CCDC146: variants seen among roughly 807,000 people sequenced by gnomAD.
CCDC146 encodes coiled-coil domain containing 146.
CCDC146 carries 92 observed loss-of-function variants against 119.3 expected under a neutral mutation model. The observed-to-expected ratio is 0.77, with a 90% CI of 0.65 to 0.92. The LOEUF (loss-of-function observed/expected upper bound fraction) is 0.92. Ranked by LOEUF, CCDC146 falls within the 40% of genes least tolerant of loss-of-function variation. The pLI, the probability that CCDC146 is intolerant of heterozygous loss-of-function variation, is 0.00. For missense variants in CCDC146, 1,000 were observed against 1,103.0 expected (o/e 0.91, Z 1.32); for synonymous variants, 372 against 371.8 (o/e 1.00, Z -0.01).
intron 17 of CCDC146, among the ~76,000 whole-genome samples, chr7:77,290,897 A>G (rs1395748234): frequency 1.3e-5 from 2 of 152,238 alleles, no homozygotes; most frequent in Non-Finnish European, 2.9e-5. Flanking sequence ...AGAGGAAGGT[A>G]TTCAGCATTA....
At chr7:77,215,186 T>C (rs1360871698) in intron 2 of CCDC146, among the ~76,000 whole-genome samples, 1 of 125,144 alleles carries the variant, frequency 8.0e-6, no homozygotes, top group South Asian at 2.4e-4. Flanking sequence ...TTTATTTTTT[T>C]GGTGTTTTTT....
rs1456742092 is a variant in CCDC146 at position 77,254,473 on chromosome 7, T to C, written c.450-33T>C. The C allele has an allele frequency of 2.5e-6, 3 of 1,200,396 alleles. No individual in the cohort carries two copies. In the African/African-American group the frequency reaches 4.7e-5, roughly 19 times the overall value. The allele number at this position is 1,200,396 out of a possible 1,614,324, so 74.4% of individuals were successfully genotyped here. A position where few individuals can be genotyped will look rare whatever the true frequency, so the allele number is the denominator to read the frequency against. ...ATTACAGAAAGAGCTTATTTCTTTG[T>C]ACTTTTTCAAACTTGATTTTTTTTT... On this transcript the variant is annotated intron_variant, in intron 4 of 18. Transcript: ENST00000285871.
At chr7:77,272,542 G>A (rs890044917) in intron 9 of CCDC146, among the ~76,000 whole-genome samples, 4 of 152,186 alleles carry the variant, frequency 2.6e-5, no homozygotes, top group Non-Finnish European at 5.9e-5. Context: ...GGGCCTACAA[G>A]TGTGTGCTGT....
intron 4 of CCDC146, among the ~76,000 whole-genome samples, chr7:77,244,942 A>T (rs1792920578): frequency 6.6e-6 from 1 of 152,234 alleles, no homozygotes; most frequent in Admixed American, 6.5e-5. Context: ...TTTCTAGATA[A>T]TAGAAGCCCA....
At chr7:77,177,982 A>C (rs190003353) in intron 2 of CCDC146, among the ~76,000 whole-genome samples, 1 of 152,052 alleles carries the variant, frequency 6.6e-6, no homozygotes, top group African/African-American at 2.4e-5. Context: ...CCAGTATGGA[A>C]GAAGACCTTG....
intron 9 of CCDC146, among the ~76,000 whole-genome samples, chr7:77,267,312 G>A (rs186220227): frequency 5.1e-4 from 78 of 152,218 alleles, no homozygotes; most frequent in African/African-American, 1.7e-3. Context: ...AAAGGATTCT[G>A]AGGCCCAGTG....
chr7:77,146,887 C>G lies in CCDC146; in HGVS notation c.-11-20771C>G, dbSNP rs561870578. 6.6e-5 allele frequency among the ~76,000 whole-genome samples: 10 copies of G among 152,230 alleles called. No homozygotes were observed. In the South Asian group the frequency reaches 2.1e-3, roughly 32 times the overall value. The stretch of plus-strand genomic sequence containing the variant: ...TTTGGTGAATCTGACAATTATGTAT[C>G]TTGGAGTTGCTCCTCTCGAGGAGTA... On this transcript the variant is annotated intron_variant, in intron 1 of 18. Coordinates refer to ENST00000285871, the MANE Select transcript of CCDC146 (RefSeq NM_020879.3).
At chr7:77,225,364 C>T (rs778138462) in intron 2 of CCDC146, among the ~76,000 whole-genome samples, 1 of 151,770 alleles carries the variant, frequency 6.6e-6, no homozygotes, top group Non-Finnish European at 1.5e-5. Context: ...GCCTGGGCAA[C>T]GTAGTGAGAT....
chr7:77,144,172 G>A, intron 1 of CCDC146, among the ~76,000 whole-genome samples: 1 of 151,576 alleles, frequency 6.6e-6, no homozygotes, highest in East Asian at 1.9e-4. Context: ...TATTCTCTTT[G>A]AAGCAATTGT....
At chr7:77,191,582 C>T (rs1437672363) in intron 2 of CCDC146, among the ~76,000 whole-genome samples, 1 of 152,166 alleles carries the variant, frequency 6.6e-6, no homozygotes, top group African/African-American at 2.4e-5. Context: ...CAGGACCCCA[C>T]CTACTGTCAT....
At chr7:77,147,469 G>T (rs1791038928) in intron 1 of CCDC146, among the ~76,000 whole-genome samples, 1 of 152,204 alleles carries the variant, frequency 6.6e-6, no homozygotes, top group African/African-American at 2.4e-5. Context: ...GTGTTCCTTT[G>T]GAGGGGGAGA....
At chr7:77,199,647 G>C (rs551393953) in intron 2 of CCDC146, 2 of 1,614,168 alleles carry the variant, frequency 1.2e-6, no homozygotes, top group Non-Finnish European at 1.7e-6. Context: ...CTGCCTCTTC[G>C]CATTTCCCTC....
chr7:77,294,235 G>T (rs1477399199), intron 18 of CCDC146, among the ~76,000 whole-genome samples: 2 of 152,092 alleles, frequency 1.3e-5, no homozygotes, highest in Non-Finnish European at 2.9e-5. Flanking sequence ...GTCAAAAACA[G>T]GGAAATAATT....
intron 2 of CCDC146, chr7:77,199,359 C>A (rs749177820): frequency 1.2e-6 from 2 of 1,614,114 alleles, no homozygotes. Context: ...CTTTGGCATT[C>A]TTTAGCTCAG....
chr7:77,130,596 TC>T (rs1455366119), intron 1 of CCDC146, among the ~76,000 whole-genome samples: 6 of 137,044 alleles, frequency 4.4e-5, no homozygotes, highest in Admixed American at 7.4e-5. Flanking sequence ...ATCCTTTCTT[TC>T]TTTTTTTTTT....
chr7:77,237,213 G>A (rs1204261135), intron 3 of CCDC146, 184 bp downstream of exon 3: 1 of 586,068 alleles, frequency 1.7e-6, no homozygotes, highest in Non-Finnish European at 3.1e-6. Context: ...TGGGAAGGAA[G>A]GAATCTAGCC....
intron 2 of CCDC146, among the ~76,000 whole-genome samples, chr7:77,192,117 G>A (rs1427273132): frequency 6.6e-6 from 1 of 151,932 alleles, no homozygotes; most frequent in Non-Finnish European, 1.5e-5. Flanking sequence ...AGTAGAGATG[G>A]GGTTTCACCA....
chr7:77,268,014 T>A (rs2150525352), intron 9 of CCDC146, among the ~76,000 whole-genome samples: 1 of 152,156 alleles, frequency 6.6e-6, no homozygotes, highest in East Asian at 1.9e-4. Context: ...TTGTAGGGAG[T>A]CTCAATAGAG....
At chr7:77,286,677 T>C in intron 15 of CCDC146, 121 bp from the exon 16 acceptor site, 1 of 884,028 alleles carries the variant, frequency 1.1e-6, no homozygotes, top group Non-Finnish European at 1.8e-6. Flanking sequence ...GAAAACAGAG[T>C]TCTCTTCTAC....
Sources: allele counts gnomAD v4.1 joint callset (sites outside exome capture counted in the v4.1 genomes callset), GRCh38; gene constraint gnomAD v4.1.1; transcripts MANE v1.5; gene names NCBI Gene and HGNC (gene_info 2026-07-23, HGNC 2026-07-21).